ARVCF: variants seen among roughly 807,000 people sequenced by gnomAD.
ARVCF encodes ARVCF delta catenin family member.
In ARVCF, 66 loss-of-function variants were observed where a neutral mutation model predicts 90.9. That is an observed-to-expected ratio of 0.73 (90% CI 0.60 to 0.89). The LOEUF is 0.89. ARVCF is among the 40% of genes least tolerant of loss of function. The probability of loss-of-function intolerance (pLI) is 0.00; values close to 1 mark genes in which losing one functional copy is unlikely to be tolerated. For synonymous variants in ARVCF, 653 were observed against 603.4 expected (o/e 1.08, Z -1.21); for missense variants, 1,469 against 1,382.3 (o/e 1.06, Z -1.00).
In ARVCF at chr22:19,971,978, A is replaced by C; in HGVS notation, c.2696-7T>G. ...TCCACCGTGGAGTATCCGTCTGTAG[A>C]TGGGGTAAGGTGGGGCATGAGGGGC... On this transcript the variant is annotated splice_region_variant and splice_polypyrimidine_tract_variant and intron_variant, in intron 17 of 19. Coordinates refer to ENST00000263207, the MANE Select transcript of ARVCF (RefSeq NM_001670.3). 2 of 1,607,156 alleles carry C rather than the reference A, an allele frequency of 1.2e-6. No individual in the cohort carries two copies. Among genetic ancestry groups the C allele is most frequent in the African/African-American group, 2.7e-5 (2 of 74,978 alleles).
chr22:19,971,755 C>T, intron 18 of ARVCF, 131 bp downstream of exon 18: 1 of 953,440 alleles, frequency 1.0e-6, no homozygotes, highest in Non-Finnish European at 1.6e-6. Context: ...GGGCTGCTTC[C>T]TGGGCTTGGC....
chr22:19,977,620 C>T (rs565226027), intron 8 of ARVCF, 34 bp from the exon 9 acceptor site: 1 of 1,498,324 alleles, frequency 6.7e-7, no homozygotes, highest in South Asian at 1.4e-5. Context: ...GGGCAGGGCA[C>T]CCTAGGCACA....
chr22:19,992,804 G>A (rs1287793312), intron 2 of ARVCF, among the ~76,000 whole-genome samples: 1 of 152,190 alleles, frequency 6.6e-6, no homozygotes, highest in East Asian at 1.9e-4. Flanking sequence ...AGCAGGACCA[G>A]GCTTGGGCTG....
At chr22:20,015,636 G>A (rs1431449940) in intron 1 of ARVCF, among the ~76,000 whole-genome samples, 8 of 152,140 alleles carry the variant, frequency 5.3e-5, no homozygotes, top group Non-Finnish European at 1.0e-4. Context: ...GGTCGGGAGA[G>A]GTGGAGGCTC....
chr22:19,989,678 T>G (rs1943954199), intron 3 of ARVCF, among the ~76,000 whole-genome samples: 3 of 150,338 alleles, frequency 2.0e-5, no homozygotes, highest in African/African-American at 4.9e-5. Flanking sequence ...TGGGGGGAGG[T>G]CTGGCTGCTG....
At position 19,979,886 on chromosome 22, in the gene ARVCF, C is replaced by T. The variant is rs1346788430; in HGVS notation, c.1253G>A (p.Arg418His). Residue 418 changes from arginine (R) to histidine (H), a missense_variant, in exon 6 of 20, where the codon CGC becomes CAC. Physicochemically the swap from Arg to His is conservative, Grantham distance 29. Coordinates refer to ENST00000263207, the MANE Select transcript of ARVCF (RefSeq NM_001670.3). ...GTTGCGCAGTGCCCCACAGGCCCGG[C>T]GCCGCACCTCAGCCCGCGGGTGGTC... is the stretch of plus-strand genomic sequence containing the variant. ...LLDHPRAEVRRRACGALRNLS... is the reference protein window; with the variant it reads ...LLDHPRAEVRHRACGALRNLS... The T allele has an allele frequency of 6.9e-6, 11 of 1,605,350 alleles. No individual in the cohort carries two copies. The highest frequency in any genetic ancestry group is 2.7e-5 in the African/African-American group (2 of 74,914).
rs541162843 is a variant in ARVCF at position 19,970,514 on chromosome 22, G to A, written c.*242C>T. Reference sequence around the variant, plus strand: ...GGCCTCCTCGGGCCTTCTGTCACTCGCTCACACACAGCACCATGTCAGTAA... The same window carrying A: ...GGCCTCCTCGGGCCTTCTGTCACTCACTCACACACAGCACCATGTCAGTAA... On this transcript the variant is annotated 3_prime_UTR_variant, in exon 20 of 20. Coordinates refer to ENST00000263207, the MANE Select transcript of ARVCF (RefSeq NM_001670.3). 7.2e-5 allele frequency: 78 copies of A among 1,081,232 alleles called. No homozygotes were observed. In the South Asian group the frequency reaches 1.4e-3, roughly 20 times the overall value. 67.0% of individuals were successfully genotyped at this position (1,081,232 alleles called of 1,614,324 possible). A position where few individuals can be genotyped will look rare whatever the true frequency, so the allele number is the denominator to read the frequency against.
At chr22:20,001,681 C>T (rs1944451391) in intron 2 of ARVCF, among the ~76,000 whole-genome samples, 1 of 152,112 alleles carries the variant, frequency 6.6e-6, no homozygotes, top group South Asian at 2.1e-4. Flanking sequence ...GTGGTGCATG[C>T]CTGTAATCCC....
rs1945210302 is a variant in ARVCF, at chr22:20,016,767, C to G, written c.-251G>C. 6.6e-6 allele frequency: 1 copy of G among 151,414 alleles called. No homozygotes were observed. The highest frequency in any genetic ancestry group is 2.1e-4 in the South Asian group (1 of 4,830). The allele number at this position is 151,414 out of a possible 1,614,324, so 9.4% of individuals were successfully genotyped here. On this transcript the variant is annotated 5_prime_UTR_variant, in exon 1 of 20. Coordinates refer to ENST00000263207, the MANE Select transcript of ARVCF (RefSeq NM_001670.3). ...CGGGGGCCGCCCCCTCCCTCCAGGC[C>G]CAGCGCGCAACCCGAGACCCCGGGC...
intron 2 of ARVCF, among the ~76,000 whole-genome samples, chr22:20,003,037 T>G (rs953943375): frequency 6.6e-6 from 1 of 152,210 alleles, no homozygotes; most frequent in Admixed American, 6.5e-5. Context: ...AACCTCAATT[T>G]GTTTTCCTTT....
chr22:19,971,120 C>A, intron 19 of ARVCF, 96 bp downstream of exon 19: 1 of 1,540,144 alleles, frequency 6.5e-7, no homozygotes, highest in Non-Finnish European at 8.8e-7. Context: ...GGGGAACGTG[C>A]GGGAAGAGCA....
At chr22:19,989,697 G>A (rs970479201) in intron 3 of ARVCF, among the ~76,000 whole-genome samples, 4 of 152,130 alleles carry the variant, frequency 2.6e-5, no homozygotes, top group Admixed American at 1.3e-4. Flanking sequence ...TGGGTTTAGC[G>A]GGGCAGGGAG....
Position 19,981,553 on chromosome 22 carries a change from C to A in ARVCF, c.554G>T (p.Ser185Ile). The A allele has an allele frequency of 6.3e-7, 1 of 1,595,712 alleles. No individual in the cohort carries two copies. Among genetic ancestry groups the A allele is most frequent in the South Asian group, 1.1e-5 (1 of 89,646 alleles). Residue 185 changes from serine to isoleucine, a missense_variant, in exon 5 of 20, where the codon AGT (serine) becomes ATT (isoleucine). Coordinates refer to ENST00000263207, the MANE Select transcript of ARVCF (RefSeq NM_001670.3). ...GGGGCCTTCGGGAAAGCCACCCCCA[C>A]TGCTGAGGTAGGCTCGAGAGAGTGT... ...VATLSRAYLSSGGGFPEGPEP... is the reference protein window; with the variant it reads ...VATLSRAYLSIGGGFPEGPEP...
At chr22:20,000,879 C>T (rs1376994217) in intron 2 of ARVCF, among the ~76,000 whole-genome samples, 1 of 152,164 alleles carries the variant, frequency 6.6e-6, no homozygotes, top group Non-Finnish European at 1.5e-5. Flanking sequence ...ACTTCCCAGC[C>T]TCCAGCACTG....
Position 19,977,465 on chromosome 22 carries a change from TG to T in ARVCF, c.1819del (p.Gln607SerfsTer37). The T allele has an allele frequency of 6.4e-7, 1 of 1,571,312 alleles. No individual in the cohort carries two copies. Among genetic ancestry groups the T allele is most frequent in the Non-Finnish European group, 8.6e-7 (1 of 1,159,628 alleles). On this transcript the variant is annotated frameshift_variant, in exon 9 of 20. Coordinates refer to ENST00000263207, the MANE Select transcript of ARVCF (RefSeq NM_001670.3). LOFTEE classifies it high-confidence loss of function. ...PGPLGSAVGS[Q>X]RRRRDDASCF... ...GCTGGCATCATCCCGCCTCCGGCGC[TG>T]GGAGCCTACAGCACTGCCCAGGGGC...
downstream of ARVCF, chr22:19,967,460 C>G (rs1208920974): frequency 2.2e-6 from 1 of 460,474 alleles, no homozygotes; most frequent in Admixed American, 2.4e-5. Flanking sequence ...AACTCCGGAC[C>G]TTGGGGCTGT....
chr22:19,977,362 G>A (rs1029104970), intron 9 of ARVCF, 53 bp downstream of exon 9: 33 of 1,462,680 alleles, frequency 2.3e-5, no homozygotes, highest in African/African-American at 4.3e-5. Flanking sequence ...AGAGCCTTCC[G>A]CTGGGGCAGG....
At position 19,979,867 on chromosome 22, in the gene ARVCF, C is replaced by A; in HGVS notation, c.1272G>T (p.Leu424=). 6.2e-7 allele frequency: 1 copy of A among 1,608,596 alleles called. No homozygotes were observed. Among genetic ancestry groups the A allele is most frequent in the Non-Finnish European group, 8.5e-7 (1 of 1,178,500 alleles). Residue 424 remains leucine, a synonymous_variant, in exon 6 of 20, where the codon CTG becomes CTT. Transcript: ENST00000263207. ...TGTCGCGGCCATAGGAGAGGTTGCG[C>A]AGTGCCCCACAGGCCCGGCGCCGCA... The part of the protein sequence containing the change: ...AEVRRRACGA[L]RNLSYGRDTD...
At chr22:19,972,616 A>G in intron 16 of ARVCF, 121 bp downstream of exon 16, 2 of 1,215,288 alleles carry the variant, frequency 1.6e-6, no homozygotes, top group Non-Finnish European at 2.3e-6. Flanking sequence ...GGGCAGGGAA[A>G]GTGGCCTATG....
Sources: gnomAD v4.1 joint callset for allele counts (sites outside exome capture counted in the v4.1 genomes callset) on GRCh38, gnomAD v4.1.1 for gene constraint, MANE v1.5 for transcripts, NCBI Gene and HGNC (gene_info 2026-07-23, HGNC 2026-07-21) for gene names.